Variants in MED27 observed in about 807,000 individuals in gnomAD.
MED27 encodes the protein mediator complex subunit 27, also known as mediator of RNA polymerase II transcription subunit 27.
MED27 carries 30 observed loss-of-function variants against 38.2 expected under a neutral mutation model. The observed-to-expected ratio is 0.79, with a 90% CI of 0.59 to 1.07. The LOEUF (loss-of-function observed/expected upper bound fraction) is 1.07, where lower values mean the gene tolerates loss of function less well. MED27 is among the 50% of genes least tolerant of loss of function. MED27 has a pLI of 0.00. For missense variants in MED27, 289 were observed against 397.5 expected, an observed-to-expected ratio of 0.73 and a Z score of 2.32; for synonymous variants, 122 against 153.5, an observed-to-expected ratio of 0.79 and a Z score of 1.52.
At position 132,051,588 on chromosome 9, in the gene MED27, T is replaced by C. The variant is rs1833467011; in HGVS notation, c.348+25854A>G. ...AGCACTCATCTACATGGCCCAAGGT[T>C]CCTTCCAGCCTCCAGATCTGTGTTG... On this transcript the variant is annotated intron_variant, in intron 2 of 7. Transcript: ENST00000292035. The surrounding 1 kb of genome is among the most constrained non-coding windows in gnomAD (Gnocchi z 4.2). Among the ~76,000 whole-genome samples, 1 of 152,226 alleles carries C rather than the reference T, an allele frequency of 6.6e-6. No individual in the cohort carries two copies. The highest frequency in any genetic ancestry group is 1.5e-5 in the Non-Finnish European group (1 of 68,034).
intron 2 of MED27, among the ~76,000 whole-genome samples, chr9:132,025,509 G>C (rs1832799567): frequency 6.6e-6 from 1 of 152,190 alleles, no homozygotes; most frequent in Non-Finnish European, 1.5e-5. Flanking sequence ...TGATCAACAA[G>C]AGCTAGGCAG....
At chr9:131,967,779 G>A (rs1465191800) in intron 3 of MED27, among the ~76,000 whole-genome samples, 1 of 151,204 alleles carries the variant, frequency 6.6e-6, no homozygotes, top group Non-Finnish European at 1.5e-5. Context: ...CCAAAGTGTT[G>A]GGATTACAGG....
chr9:132,062,195 T>G (rs1168315368), intron 2 of MED27, among the ~76,000 whole-genome samples: 1 of 152,264 alleles, frequency 6.6e-6, no homozygotes, highest in African/African-American at 2.4e-5. Flanking sequence ...TTTCTTCTGA[T>G]GGACTTGCTA....
chr9:131,864,226 A>G (rs1838698522), intron 6 of MED27, among the ~76,000 whole-genome samples: 1 of 152,200 alleles, frequency 6.6e-6, no homozygotes, highest in Non-Finnish European at 1.5e-5. Flanking sequence ...CATGCCTGTA[A>G]TCCCAGACCT....
intron 3 of MED27, among the ~76,000 whole-genome samples, chr9:131,986,324 G>A (rs1020684610): frequency 6.6e-6 from 1 of 152,120 alleles, no homozygotes; most frequent in African/African-American, 2.4e-5. Flanking sequence ...GTTCCTGTCC[G>A]GGTGTACCAT....
At chr9:131,970,640 C>A (rs138395953) in intron 3 of MED27, among the ~76,000 whole-genome samples, 1 of 152,174 alleles carries the variant, frequency 6.6e-6, no homozygotes, top group African/African-American at 2.4e-5. Context: ...CAGGAATAGA[C>A]GTTCTCAGAA....
chr9:132,067,975 T>G (rs1415253732), intron 2 of MED27, among the ~76,000 whole-genome samples: 1 of 152,170 alleles, frequency 6.6e-6, no homozygotes, highest in East Asian at 1.9e-4. Flanking sequence ...GCCCAAAATG[T>G]TCGTAATAGT....
chr9:131,917,112 G>A lies in MED27; in HGVS notation c.573+22269C>T, dbSNP rs1830305650. On this transcript the variant is annotated intron_variant, in intron 4 of 7. Coordinates refer to ENST00000292035, the MANE Select transcript of MED27 (RefSeq NM_004269.4). The surrounding 1 kb of genome is among the most constrained non-coding windows in gnomAD (Gnocchi z 4.6). Reference sequence around the variant, plus strand: ...GTTCCTAAGGAGCCCCTGGAAATGGGAAGGTATTTTTGCTTGTCACAGTAA... The same window carrying A: ...GTTCCTAAGGAGCCCCTGGAAATGGAAAGGTATTTTTGCTTGTCACAGTAA... Among the ~76,000 whole-genome samples the A allele has an allele frequency of 6.6e-6, 1 of 152,142 alleles. No homozygotes were observed.
intron 2 of MED27, among the ~76,000 whole-genome samples, chr9:132,064,072 T>C (rs1833754944): frequency 6.6e-6 from 1 of 152,186 alleles, no homozygotes; most frequent in Non-Finnish European, 1.5e-5. Context: ...TGATTCCAAT[T>C]CTCATCACAA....
chr9:132,025,498 C>T (rs1402805715), intron 2 of MED27, among the ~76,000 whole-genome samples: 2 of 152,192 alleles, frequency 1.3e-5, no homozygotes, highest in Non-Finnish European at 2.9e-5. Context: ...GAATTTTCTA[C>T]TGATCAACAA....
intron 4 of MED27, among the ~76,000 whole-genome samples, chr9:131,912,613 G>A (rs1830212636): frequency 6.6e-6 from 1 of 152,122 alleles, no homozygotes; most frequent in Non-Finnish European, 1.5e-5. Flanking sequence ...CCAAGGATAG[G>A]AAATGGCTCC....
chr9:132,071,375 A>G (rs1325656902), intron 2 of MED27, among the ~76,000 whole-genome samples: 1 of 151,920 alleles, frequency 6.6e-6, no homozygotes, highest in Admixed American at 6.6e-5. Flanking sequence ...CCCATAAATG[A>G]GCACACACAC....
At position 131,905,701 on chromosome 9, in the gene MED27, C is replaced by CAA. The variant is rs58848280; in HGVS notation, c.574-11711_574-11710dup. On this transcript the variant is annotated intron_variant, in intron 4 of 7. Coordinates refer to ENST00000292035, the MANE Select transcript of MED27 (RefSeq NM_004269.4). Reference sequence around the variant, plus strand: ...TGACAGAGCAAGAGCAAGACCTTGTCAAAAAAAAAAAAAAAAAAAAAAAAA... The same window carrying CAA: ...TGACAGAGCAAGAGCAAGACCTTGTCAAAAAAAAAAAAAAAAAAAAAAAAAAA... 5.7e-3 allele frequency among the ~76,000 whole-genome samples: 350 copies of CAA among 60,872 alleles called. 13 individuals carry two copies. Among genetic ancestry groups the CAA allele is most frequent in the African/African-American group, 0.018 (238 of 13,422 alleles). The allele number at this position is 60,872 out of a possible 152,430, so 39.9% of individuals were successfully genotyped here.
chr9:131,967,875 G>C (rs561294296), intron 3 of MED27, among the ~76,000 whole-genome samples: 1 of 145,560 alleles, frequency 6.9e-6, no homozygotes, highest in South Asian at 2.2e-4. Context: ...CTGTAGTGCA[G>C]TGGCGCATCT....
chr9:132,078,627 C>T (rs1834108450), intron 1 of MED27, among the ~76,000 whole-genome samples: 1 of 152,138 alleles, frequency 6.6e-6, no homozygotes, highest in Admixed American at 6.5e-5. Context: ...TCCTCCTCCT[C>T]CTCCATCCTA....
chr9:131,941,954 T>C (rs1484706608), intron 3 of MED27, among the ~76,000 whole-genome samples: 3 of 149,970 alleles, frequency 2.0e-5, no homozygotes, highest in Non-Finnish European at 4.4e-5. Flanking sequence ...GCCTCCCAAG[T>C]AGCTGGGACT....
In MED27 at chr9:132,026,885, CTAT is replaced by C. The variant is rs71758671; in HGVS notation, c.349-12421_349-12419del. Among the ~76,000 whole-genome samples the C allele has an allele frequency of 5.7e-3, 865 of 152,286 alleles. 5 individuals are homozygous for C. The highest frequency in any genetic ancestry group is 0.02 in the African/African-American group (817 of 41,552). On this transcript the variant is annotated intron_variant, in intron 2 of 7. Transcript: ENST00000292035. ...GTACAACCACCCTGTGAGGTAGGTA[CTAT>C]TATTATCATCTCTGTTTCACAGATG...
At chr9:131,894,481 T>C (rs571624560) in intron 4 of MED27, among the ~76,000 whole-genome samples, 1 of 152,248 alleles carries the variant, frequency 6.6e-6, no homozygotes, top group East Asian at 1.9e-4. Context: ...TTATAGTAAC[T>C]GGTAAAAGTG....
chr9:132,042,246 G>C (rs750958599), intron 2 of MED27, among the ~76,000 whole-genome samples: 2 of 152,190 alleles, frequency 1.3e-5, no homozygotes, highest in African/African-American at 2.4e-5. Context: ...GGCAGCTACA[G>C]TTATTAACCC....
Sources: allele counts gnomAD v4.1 joint callset (sites outside exome capture counted in the v4.1 genomes callset), GRCh38; gene constraint gnomAD v4.1.1; non-coding constraint Gnocchi (gnomAD v3.1); transcripts MANE v1.5; gene names NCBI Gene and HGNC (gene_info 2026-07-23, HGNC 2026-07-21).